Variants in PRELID2 observed in about 807,000 individuals in gnomAD.
PRELID2 encodes the protein PRELI domain containing 2, also known as PRELI domain-containing protein 2.
Under a neutral mutation model 28.4 loss-of-function variants are expected in PRELID2, and 25 were observed. That is an observed-to-expected ratio of 0.88 (90% CI 0.64 to 1.23). The LOEUF (loss-of-function observed/expected upper bound fraction) is 1.23, where lower values mean the gene tolerates loss of function less well. Ranked by LOEUF, PRELID2 falls within the 50% of genes most tolerant of loss-of-function variation. The pLI is 0.00. For synonymous variants in PRELID2, 76 were observed against 71.6 expected (o/e 1.06, Z -0.31); for missense variants, 201 against 214.4 (o/e 0.94, Z 0.39).
chr5:145,552,951 A>G (rs1752849826), intron 1 of PRELID2, among the ~76,000 whole-genome samples: 1 of 152,222 alleles, frequency 6.6e-6, no homozygotes, highest in South Asian at 2.1e-4. Context: ...CTTAGAAGAA[A>G]TGTTTGGATT....
intron 1 of PRELID2, among the ~76,000 whole-genome samples, chr5:145,624,831 G>T (rs73311595): frequency 0.056 from 8,573 of 152,070 alleles, 762 homozygotes; most frequent in African/African-American, 0.19. Flanking sequence ...TGCAACATGT[G>T]TAATCAACAA....
rs1052667882 is a variant in PRELID2, at chr5:145,819,464, ATATTACT to A, written c.207+474_207+480del. On this transcript the variant is annotated intron_variant, in intron 3 of 6. Transcript: ENST00000683046. The stretch of plus-strand genomic sequence containing the variant: ...TATCATGAAGATTTCATCATCAATG[ATATTACT>A]TTAGAGAAATACACATAAAGACTTA... The A allele has an allele frequency of 2.5e-6, 3 of 1,213,666 alleles. No homozygotes were observed. The African/African-American group carries it at 4.5e-5, about 18-fold the overall frequency. The allele number at this position is 1,213,666 out of a possible 1,614,324, so 75.2% of individuals were successfully genotyped here.
At chr5:145,648,278 T>C (rs1754230503) in intron 1 of PRELID2, among the ~76,000 whole-genome samples, 1 of 152,096 alleles carries the variant, frequency 6.6e-6, no homozygotes, top group Admixed American at 6.5e-5. Flanking sequence ...ATGCTGGAAG[T>C]TTTTAAAGTG....
the PRELID2 span, among the ~76,000 whole-genome samples, chr5:145,232,765 C>T: frequency 6.6e-6 from 1 of 152,030 alleles, no homozygotes; most frequent in East Asian, 1.9e-4. Flanking sequence ...TCTTCATGTT[C>T]AGTAATTTAT....
intron 2 of PRELID2, among the ~76,000 whole-genome samples, chr5:145,821,191 T>TGTGTG (rs1561649985): frequency 1.8e-3 from 56 of 31,296 alleles, no homozygotes; most frequent in African/African-American, 3.9e-3. Flanking sequence ...GTAAGTCCTC[T>TGTGTG]TCTGTGTGTG....
chr5:145,729,855 G>A (rs1055611505), intron 1 of PRELID2, among the ~76,000 whole-genome samples: 1 of 152,194 alleles, frequency 6.6e-6, no homozygotes, highest in African/African-American at 2.4e-5. Flanking sequence ...GAGGGCCAAT[G>A]TGAGTATGGA....
the PRELID2 span, among the ~76,000 whole-genome samples, chr5:145,327,303 G>A: frequency 1.3e-5 from 2 of 151,954 alleles, no homozygotes; most frequent in African/African-American, 4.8e-5. Flanking sequence ...ATGTTTTGAT[G>A]TTGAGTGCAT....
At chr5:145,555,237 T>C (rs991227690) in intron 1 of PRELID2, among the ~76,000 whole-genome samples, 2 of 152,192 alleles carry the variant, frequency 1.3e-5, no homozygotes, top group Non-Finnish European at 2.9e-5. Flanking sequence ...TCCCTTTTTT[T>C]AGAAATGCAT....
chr5:145,503,504 A>C (rs927502653), intron 1 of PRELID2, among the ~76,000 whole-genome samples: 5 of 151,590 alleles, frequency 3.3e-5, no homozygotes, highest in African/African-American at 1.2e-4. Context: ...GTCATTTTCT[A>C]CGCATTTCCT....
the PRELID2 span, among the ~76,000 whole-genome samples, chr5:145,353,862 A>C: frequency 1.3e-5 from 2 of 152,170 alleles, no homozygotes; most frequent in Non-Finnish European, 2.9e-5. Flanking sequence ...TATGATCATA[A>C]AAGATTTTAT....
At chr5:145,352,183 A>G in the PRELID2 span, among the ~76,000 whole-genome samples, 6 of 151,996 alleles carry the variant, frequency 3.9e-5, no homozygotes, top group Non-Finnish European at 7.4e-5. Flanking sequence ...GGAGGGTCCA[A>G]CTCCACCTTT....
At chr5:145,823,404 T>G (rs1199450414) in intron 1 of PRELID2, among the ~76,000 whole-genome samples, 1 of 152,214 alleles carries the variant, frequency 6.6e-6, no homozygotes, top group Non-Finnish European at 1.5e-5. Flanking sequence ...CAGTAAATAA[T>G]AATACTATTA....
At chr5:145,369,012 G>A in the PRELID2 span, among the ~76,000 whole-genome samples, 1 of 151,464 alleles carries the variant, frequency 6.6e-6, no homozygotes, top group East Asian at 1.9e-4. Context: ...TCCCCTCTAT[G>A]TGTCCGTGTA....
At chr5:145,575,964 C>G (rs1433177679) in intron 1 of PRELID2, among the ~76,000 whole-genome samples, 1 of 152,144 alleles carries the variant, frequency 6.6e-6, no homozygotes, top group Non-Finnish European at 1.5e-5. Flanking sequence ...ATCCTCCCAA[C>G]CACGTTTTAC....
At chr5:145,417,310 A>G in the PRELID2 span, among the ~76,000 whole-genome samples, 119 of 152,306 alleles carry the variant, frequency 7.8e-4, no homozygotes, top group African/African-American at 2.6e-3. Flanking sequence ...GCTGAATTCT[A>G]CCAAAGGTAC....
At chr5:145,633,037 C>CA (rs1444704768) in intron 1 of PRELID2, among the ~76,000 whole-genome samples, 2 of 152,268 alleles carry the variant, frequency 1.3e-5, no homozygotes, top group African/African-American at 4.8e-5. Flanking sequence ...ATCAAGAAAG[C>CA]AGAGACCTCA....
intron 6 of PRELID2, among the ~76,000 whole-genome samples, chr5:145,762,974 G>T (rs1483235446): frequency 6.6e-6 from 1 of 152,198 alleles, no homozygotes; most frequent in East Asian, 1.9e-4. Flanking sequence ...CTGGAAATCT[G>T]TTAGAAACAC....
the PRELID2 span, among the ~76,000 whole-genome samples, chr5:145,323,486 T>A: frequency 6.6e-6 from 1 of 152,162 alleles, no homozygotes; most frequent in African/African-American, 2.4e-5. Context: ...TTATTTTAGG[T>A]TCAGGTGTAC....
In PRELID2 at chr5:145,746,471, G is replaced by C. The variant is rs531588205; in HGVS notation, n.70+18460C>G. ...AATGGTAAAGGGAACAATTCAACAA[G>C]AAGAGCTAACTGTTCTAAATATATA... is the stretch of plus-strand genomic sequence containing the variant. On this transcript the variant is annotated intron_variant and non_coding_transcript_variant, in intron 1 of 2. Coordinates refer to the PRELID2 transcript ENST00000510259. Among the ~76,000 whole-genome samples the C allele has an allele frequency of 1.8e-4, 27 of 152,252 alleles. 2 individuals are homozygous for C. In the East Asian group the frequency reaches 4.6e-3, roughly 26 times the overall value.
Sources: gnomAD v4.1 joint callset for allele counts (sites outside exome capture counted in the v4.1 genomes callset) on GRCh38, gnomAD v4.1.1 for gene constraint, MANE v1.5 for transcripts, NCBI Gene and HGNC (gene_info 2026-07-23, HGNC 2026-07-21) for gene names.